The following ERC1 variants were observed in gnomAD, a reference collection of about 807,000 sequenced individuals.
ERC1 encodes the protein ELKS/RAB6-interacting/CAST family member 1.
In ERC1, 56 loss-of-function variants were observed where a neutral mutation model predicts 132.0. The ratio of observed to expected loss-of-function variants is 0.42; its 90% CI spans 0.34 to 0.53. The LOEUF is 0.53. Ranked by LOEUF, ERC1 falls within the 20% of genes least tolerant of loss-of-function variation. The pLI, the probability that ERC1 is intolerant of heterozygous loss-of-function variation, is 0.03. For synonymous variants in ERC1, 478 were observed against 476.1 expected (o/e 1.00, Z -0.05); for missense variants, 1,202 against 1,349.9 (o/e 0.89, Z 1.72).
At chr12:1,304,460 C>G (rs1339239240) in intron 15 of ERC1, among the ~76,000 whole-genome samples, 5 of 152,196 alleles carry the variant, frequency 3.3e-5, no homozygotes, top group African/African-American at 1.2e-4. Context: ...CGTTCTTGGC[C>G]TAATCTAATC....
intron 16 of ERC1, among the ~76,000 whole-genome samples, chr12:1,374,096 C>G (rs923308643): frequency 1.3e-5 from 2 of 152,150 alleles, no homozygotes; most frequent in Non-Finnish European, 2.9e-5. Context: ...AACTTTTGGA[C>G]AAGGGAGAGG....
chr12:1,484,250 A>G (rs1303594391), intron 18 of ERC1, among the ~76,000 whole-genome samples: 3 of 151,804 alleles, frequency 2.0e-5, no homozygotes, highest in Non-Finnish European at 4.4e-5. Context: ...GCTTGCAGTG[A>G]GCCGAGATCG....
At chr12:1,385,436 C>T (rs1051487142) in intron 16 of ERC1, among the ~76,000 whole-genome samples, 3 of 152,190 alleles carry the variant, frequency 2.0e-5, no homozygotes, top group Non-Finnish European at 2.9e-5. Flanking sequence ...GCGCCCGCCA[C>T]CACGCCCTGC....
intron 14 of ERC1, among the ~76,000 whole-genome samples, chr12:1,265,349 T>C (rs934979266): frequency 1.3e-5 from 2 of 152,240 alleles, no homozygotes; most frequent in African/African-American, 2.4e-5. Flanking sequence ...TTCTGTTATG[T>C]ATTTTCCTTT....
At chr12:1,203,172 C>T (rs546492363) in intron 12 of ERC1, among the ~76,000 whole-genome samples, 8 of 152,218 alleles carry the variant, frequency 5.3e-5, no homozygotes, top group African/African-American at 1.9e-4. Context: ...ATTCTTGTGC[C>T]TCAGCCTCCT....
chr12:1,270,860 A>T (rs181630655), intron 14 of ERC1, among the ~76,000 whole-genome samples: 3 of 152,164 alleles, frequency 2.0e-5, no homozygotes, highest in Admixed American at 2.0e-4. Flanking sequence ...TTACATTAGT[A>T]TAAAATTCTA....
chr12:1,276,428 C>T (rs1050549390), intron 14 of ERC1, among the ~76,000 whole-genome samples: 10 of 151,750 alleles, frequency 6.6e-5, no homozygotes, highest in South Asian at 4.2e-4. Flanking sequence ...TTAGTAGAGA[C>T]GGGGTTTCGC....
chr12:1,029,939 G>T (rs1002750396), intron 2 of ERC1, among the ~76,000 whole-genome samples: 2 of 151,988 alleles, frequency 1.3e-5, no homozygotes, highest in Admixed American at 1.3e-4. Flanking sequence ...GTAGAGACGG[G>T]GTTTCACCGT....
At chr12:1,484,764 T>C (rs2094174283) in intron 18 of ERC1, among the ~76,000 whole-genome samples, 1 of 151,974 alleles carries the variant, frequency 6.6e-6, no homozygotes. Flanking sequence ...TTTTTTTTAG[T>C]AGAGATGGGG....
intron 1 of ERC1, among the ~76,000 whole-genome samples, chr12:1,015,508 T>C (rs1220330286): frequency 6.6e-6 from 1 of 152,224 alleles, no homozygotes; most frequent in Non-Finnish European, 1.5e-5. Flanking sequence ...GTACAAACAA[T>C]GCAATAATTG....
intron 2 of ERC1, among the ~76,000 whole-genome samples, chr12:1,062,727 TG>T (rs1446461634): frequency 6.6e-6 from 1 of 152,240 alleles, no homozygotes; most frequent in Non-Finnish European, 1.5e-5. Context: ...TAGTTCCATT[TG>T]GTCCATAGTT....
intron 8 of ERC1, among the ~76,000 whole-genome samples, chr12:1,167,555 T>C (rs1449258573): frequency 6.6e-6 from 1 of 152,188 alleles, no homozygotes; most frequent in Non-Finnish European, 1.5e-5. Context: ...ATCTATTTTG[T>C]TCTTTATCTG....
intron 16 of ERC1, 99 bp from the exon 17 acceptor site, chr12:1,408,050 G>A (rs1474223680): frequency 1.0e-5 from 8 of 794,296 alleles, no homozygotes. Flanking sequence ...GACAGGATTA[G>A]TTTTATCCTT....
intron 18 of ERC1, among the ~76,000 whole-genome samples, chr12:1,472,542 C>T (rs146256528): frequency 1.5e-4 from 22 of 151,670 alleles, no homozygotes; most frequent in Admixed American, 3.3e-4. Flanking sequence ...CCCAGCCACT[C>T]GGGAAGCTGA....
chr12:1,090,845 A>ATTG lies in ERC1; in HGVS notation c.1086+7286_1086+7288dup, dbSNP rs1197014188. 3.6e-3 allele frequency among the ~76,000 whole-genome samples: 33 copies of ATTG among 9,158 alleles called. 12 individuals are homozygous for ATTG. The highest frequency in any genetic ancestry group is 6.0e-3 in the Admixed American group (2 of 336). 6.0% of individuals were successfully genotyped at this position (9,158 alleles called of 152,430 possible). On this transcript the variant is annotated intron_variant, in intron 3 of 18. Coordinates refer to ENST00000360905, the MANE Select transcript of ERC1 (RefSeq NM_178040.4). Reference sequence around the variant, plus strand: ...CTATGCCTGGCCCATTATTATTATTATTGTTGTTGTTGTTGTTGTTGTTAT... The same window carrying ATTG: ...CTATGCCTGGCCCATTATTATTATTATTGTTGTTGTTGTTGTTGTTGTTGTTAT...
chr12:1,141,786 A>G lies in ERC1; in HGVS notation c.1736A>G (p.Lys579Arg). ...CGGAAGGTTAATGTTCTTCAGAAGAAGGTAAGGTACAGGTGTTTCGAGTTC... is the reference window on the plus strand; with the variant it reads ...CGGAAGGTTAATGTTCTTCAGAAGAGGGTAAGGTACAGGTGTTTCGAGTTC... ...KERKVNVLQK[K>R]IENLQEQLRD... Residue 579 changes from lysine to arginine, a missense_variant and splice_region_variant, in exon 8 of 19, where the codon AAG becomes AGG. Physicochemically the swap from Lys to Arg is conservative, Grantham distance 26. Transcript: ENST00000360905. The G allele has an allele frequency of 1.3e-6, 2 of 1,597,122 alleles. No individual in the cohort carries two copies. Among genetic ancestry groups the G allele is most frequent in the Non-Finnish European group, 1.7e-6 (2 of 1,171,616 alleles).
chr12:1,160,064 G>T (rs1043129695), intron 8 of ERC1, among the ~76,000 whole-genome samples: 42 of 147,008 alleles, frequency 2.9e-4, no homozygotes, highest in African/African-American at 1.0e-3. Context: ...CTCTTGATTT[G>T]ATTGTTTAGT....
chr12:1,387,295 G>T (rs144212956), intron 16 of ERC1, among the ~76,000 whole-genome samples: 1,623 of 152,196 alleles, frequency 0.011, 11 homozygotes, highest in Non-Finnish European at 0.014. Context: ...GATTTTTGGG[G>T]ATACTGGAAT....
rs536716455 is a variant in ERC1, at chr12:1,321,227, A to G, written c.2780+31215A>G. 2.0e-5 allele frequency among the ~76,000 whole-genome samples: 3 copies of G among 152,354 alleles called. No homozygotes were observed. The South Asian group carries it at 6.2e-4, about 32-fold the overall frequency. ...ACTCTGAGCCTCAGTTTCCACATGT[A>G]TGTAAATGAAGCTAGTAAATGCCTG... On this transcript the variant is annotated intron_variant, in intron 15 of 18. Transcript: ENST00000360905.
Sources: gnomAD v4.1 joint callset for allele counts (sites outside exome capture counted in the v4.1 genomes callset) on GRCh38, gnomAD v4.1.1 for gene constraint, MANE v1.5 for transcripts, NCBI Gene and HGNC (gene_info 2026-07-23, HGNC 2026-07-21) for gene names.